SETD3: variants seen among roughly 807,000 people sequenced by gnomAD.
SETD3 encodes SET domain containing 3, actin N3(tau)-histidine methyltransferase, also known as actin-histidine N-methyltransferase.
Under a neutral mutation model 63.0 loss-of-function variants are expected in SETD3, and 19 were observed. The observed-to-expected ratio is 0.30, with a 90% CI of 0.21 to 0.44. The LOEUF is 0.44. SETD3 is among the 20% of genes least tolerant of loss of function. The pLI, the probability that SETD3 is intolerant of heterozygous loss-of-function variation, is 1.00. For missense variants in SETD3, 587 were observed against 728.5 expected (o/e 0.81, Z 2.24); for synonymous variants, 286 against 264.1 (o/e 1.08, Z -0.80).
intron 2 of SETD3, among the ~76,000 whole-genome samples, chr14:99,464,891 C>G (rs760114661): frequency 3.9e-5 from 6 of 152,144 alleles, no homozygotes; most frequent in Non-Finnish European, 7.3e-5. Flanking sequence ...GCCTATAATC[C>G]CAGCACTTTG....
At chr14:99,450,851 T>C (rs186158980) in intron 6 of SETD3, among the ~76,000 whole-genome samples, 19 of 152,352 alleles carry the variant, frequency 1.2e-4, no homozygotes, top group African/African-American at 4.1e-4. Context: ...TTAAACCCTG[T>C]ATGCCTGCAT....
chr14:99,484,675 G>A (rs3918044), upstream of SETD3, among the ~76,000 whole-genome samples: 6,530 of 152,188 alleles, frequency 0.043, 467 homozygotes, highest in African/African-American at 0.15. Context: ...ATCAATATAG[G>A]AATACAGGAA....
Position 99,414,238 on chromosome 14 carries a change from C to T in SETD3, c.676-304G>A, listed in dbSNP as rs1451893789. On this transcript the variant is annotated intron_variant, in intron 6 of 12. Transcript: ENST00000331768. ...ACCGACTTTACAAAAGGCAGGCACG[C>T]CTACGCGATGAGCACTGGATCTAAG... Among the ~76,000 whole-genome samples, 3 of 152,258 alleles carry T rather than the reference C, an allele frequency of 2.0e-5. No individual in the cohort carries two copies. The East Asian group carries it at 5.8e-4, about 29-fold the overall frequency.
intron 1 of SETD3, among the ~76,000 whole-genome samples, chr14:99,469,560 A>C (rs1007449656): frequency 1.3e-5 from 2 of 152,200 alleles, no homozygotes; most frequent in African/African-American, 4.8e-5. Context: ...CCTGGAAAAC[A>C]TGGCAAAACC....
In SETD3 at chr14:99,412,942, G is replaced by A; in HGVS notation, c.849+9C>T. On this transcript the variant is annotated intron_variant, in intron 8 of 12. Coordinates refer to ENST00000331768, the MANE Select transcript of SETD3 (RefSeq NM_032233.3). The stretch of plus-strand genomic sequence containing the variant: ...AGATTCAACACAACACAGGGGAAGA[G>A]GTCGTTACCAGGCCGTTGGTGTGGT... The A allele has an allele frequency of 6.3e-7, 1 of 1,578,154 alleles. No individual in the cohort carries two copies. The highest frequency in any genetic ancestry group is 1.7e-4 in the Middle Eastern group (1 of 6,002).
At chr14:99,420,208 G>A (rs1391681050) in intron 6 of SETD3, among the ~76,000 whole-genome samples, 2 of 152,040 alleles carry the variant, frequency 1.3e-5, no homozygotes, top group Admixed American at 6.6e-5. Context: ...AACTGCATGC[G>A]CTGTGGCCAT....
chr14:99,432,520 C>T (rs1364741598), intron 6 of SETD3, among the ~76,000 whole-genome samples: 2 of 152,194 alleles, frequency 1.3e-5, no homozygotes, highest in Non-Finnish European at 2.9e-5. Context: ...GTTCCATATG[C>T]TAATATGGTC....
intron 9 of SETD3, among the ~76,000 whole-genome samples, chr14:99,406,065 C>T (rs1891664259): frequency 6.6e-6 from 1 of 152,114 alleles, no homozygotes; most frequent in South Asian, 2.1e-4. Context: ...ACCCAAACTA[C>T]TAGATTAAAA....
At chr14:99,410,888 T>C (rs1891948112) in intron 8 of SETD3, among the ~76,000 whole-genome samples, 1 of 152,206 alleles carries the variant, frequency 6.6e-6, no homozygotes, top group Non-Finnish European at 1.5e-5. Context: ...TTCTACCTAC[T>C]CCCTGAGTGA....
chr14:99,429,722 G>A (rs572805058), intron 6 of SETD3, among the ~76,000 whole-genome samples: 5 of 152,264 alleles, frequency 3.3e-5, no homozygotes, highest in African/African-American at 9.6e-5. Flanking sequence ...TAGTTAAAAC[G>A]TGAGGAAGAG....
At position 99,435,739 on chromosome 14, in the gene SETD3, CCCA is replaced by C. The variant is rs763608873; in HGVS notation, c.676-21808_676-21806del. On this transcript the variant is annotated intron_variant, in intron 6 of 12. Transcript: ENST00000331768. ...AGAAACAAGGCAGGTTCCCCACCCCCCCACCTTTTTTTTTTTTTTTGTAAGTAT... is the reference window on the plus strand; with the variant it reads ...AGAAACAAGGCAGGTTCCCCACCCCCCCTTTTTTTTTTTTTTTGTAAGTAT... 9.2e-3 allele frequency among the ~76,000 whole-genome samples: 1,154 copies of C among 125,458 alleles called. 6 individuals are homozygous for C. Among genetic ancestry groups the C allele is most frequent in the Admixed American group, 0.012 (137 of 11,582 alleles). The allele number at this position is 125,458 out of a possible 152,430, so 82.3% of individuals were successfully genotyped here. A position where few individuals can be genotyped will look rare whatever the true frequency, so the allele number is the denominator to read the frequency against.
intron 11 of SETD3, among the ~76,000 whole-genome samples, chr14:99,403,205 T>C (rs1476160299): frequency 6.6e-6 from 1 of 152,154 alleles, no homozygotes; most frequent in Non-Finnish European, 1.5e-5. Flanking sequence ...CCTGGACTTG[T>C]GCTGCACTGC....
intron 10 of SETD3, 47 bp downstream of exon 10, chr14:99,405,158 T>G (rs760352933): frequency 6.3e-7 from 1 of 1,576,570 alleles, no homozygotes; most frequent in Non-Finnish European, 8.6e-7. Flanking sequence ...CAACTGGAAA[T>G]AGTTCAAGTA....
At chr14:99,430,094 G>GT (rs1893091343) in intron 6 of SETD3, among the ~76,000 whole-genome samples, 2 of 152,238 alleles carry the variant, frequency 1.3e-5, no homozygotes, top group Non-Finnish European at 2.9e-5. Flanking sequence ...AGCGTTTTCA[G>GT]TAAGTTTCCC....
At chr14:99,400,070 T>C in intron 12 of SETD3, 29 bp downstream of exon 12, 2 of 1,572,452 alleles carry the variant, frequency 1.3e-6, no homozygotes, top group South Asian at 2.3e-5. Context: ...CACAACAAGT[T>C]CAAAACCTCA....
chr14:99,430,849 G>C (rs948966079), intron 6 of SETD3, among the ~76,000 whole-genome samples: 4 of 152,178 alleles, frequency 2.6e-5, no homozygotes, highest in East Asian at 1.9e-4. Context: ...ACCTCACCTG[G>C]GTCCAGCGGA....
intron 6 of SETD3, among the ~76,000 whole-genome samples, chr14:99,420,207 C>T (rs1461344857): frequency 1.3e-5 from 2 of 152,122 alleles, no homozygotes; most frequent in African/African-American, 4.8e-5. Flanking sequence ...CAACTGCATG[C>T]GCTGTGGCCA....
intron 6 of SETD3, among the ~76,000 whole-genome samples, chr14:99,418,753 CAGAG>C (rs754448085): frequency 5.9e-5 from 9 of 152,022 alleles, no homozygotes; most frequent in Non-Finnish European, 1.3e-4. Context: ...AGAATGGGAG[CAGAG>C]AGAGAGTAAG....
In SETD3 at chr14:99,459,092, A is replaced by G. The variant is rs1595249655; in HGVS notation, c.418+21T>C. The G allele has an allele frequency of 2.5e-6, 4 of 1,586,380 alleles. No homozygotes were observed. In the East Asian group the frequency reaches 9.1e-5, roughly 36 times the overall value. On this transcript the variant is annotated intron_variant, in intron 5 of 12. Coordinates refer to ENST00000331768, the MANE Select transcript of SETD3 (RefSeq NM_032233.3). ...TTTTGTCATTTGTGCTTTGCCTTGAAGAGTCAGAAATTATTCTCACCCAAC... is the reference window on the plus strand; with the variant it reads ...TTTTGTCATTTGTGCTTTGCCTTGAGGAGTCAGAAATTATTCTCACCCAAC...
Sources: gnomAD v4.1 joint callset for allele counts (sites outside exome capture counted in the v4.1 genomes callset) on GRCh38, gnomAD v4.1.1 for gene constraint, MANE v1.5 for transcripts, NCBI Gene and HGNC (gene_info 2026-07-23, HGNC 2026-07-21) for gene names.